The following MAML3 variants were observed in gnomAD, a reference collection of about 807,000 sequenced individuals.
The protein encoded by MAML3 is mastermind-like protein 3.
MAML3 carries 27 observed loss-of-function variants against 101.9 expected under a neutral mutation model. The observed-to-expected ratio is 0.27, with a 90% CI of 0.20 to 0.37. The LOEUF is 0.37. Among genes scored for constraint, MAML3 ranks in the 10% least tolerant of loss-of-function variants. The probability of loss-of-function intolerance (pLI) is 1.00; values close to 1 mark genes in which losing one functional copy is unlikely to be tolerated. For synonymous variants in MAML3, 501 were observed against 555.9 expected, an observed-to-expected ratio of 0.90 and a Z score of 1.39; for missense variants, 1,316 against 1,444.9, an observed-to-expected ratio of 0.91 and a Z score of 1.45.
chr4:140,022,935 G>C (rs970082744), intron 1 of MAML3, among the ~76,000 whole-genome samples: 1 of 152,136 alleles, frequency 6.6e-6, no homozygotes, highest in Non-Finnish European at 1.5e-5. Flanking sequence ...TCAAGTAAGG[G>C]ACAGCACAGA....
chr4:139,720,764 G>C (rs1728202839), intron 4 of MAML3, among the ~76,000 whole-genome samples: 1 of 152,174 alleles, frequency 6.6e-6, no homozygotes, highest in African/African-American at 2.4e-5. Context: ...TATTTTCTTT[G>C]GAGGTGAGAG....
At position 140,121,306 on chromosome 4, in the gene MAML3, T is replaced by G. The variant is rs556309126; in HGVS notation, c.468+31554A>C. ...TTAAAATGTTAAATACTCCTTATTT[T>G]CCAATAAATAATGCACTCTTGGAAG... On this transcript the variant is annotated intron_variant, in intron 1 of 4. Transcript: ENST00000509479. Among the ~76,000 whole-genome samples the G allele has an allele frequency of 2.6e-5, 4 of 152,344 alleles. No individual in the cohort carries two copies. In the East Asian group the frequency reaches 7.7e-4, roughly 29 times the overall value.
chr4:139,953,639 C>T (rs1002751227), intron 1 of MAML3, among the ~76,000 whole-genome samples: 4 of 152,182 alleles, frequency 2.6e-5, no homozygotes, highest in African/African-American at 9.7e-5. Context: ...AAACAAAACA[C>T]AAGTTCTAAA....
chr4:139,810,249 G>A (rs969733207), intron 2 of MAML3, among the ~76,000 whole-genome samples: 3 of 144,118 alleles, frequency 2.1e-5, no homozygotes, highest in Non-Finnish European at 4.5e-5. Context: ...CTGGAGTGCA[G>A]TGGCCCCATC....
intron 2 of MAML3, among the ~76,000 whole-genome samples, chr4:139,874,171 G>A (rs1732065587): frequency 6.6e-6 from 1 of 152,176 alleles, no homozygotes; most frequent in East Asian, 1.9e-4. Context: ...CAGAAACAAT[G>A]AGGGTACTGT....
chr4:139,740,988 G>A (rs1211610066), intron 2 of MAML3, among the ~76,000 whole-genome samples: 2 of 152,166 alleles, frequency 1.3e-5, no homozygotes, highest in Admixed American at 6.5e-5. Context: ...CTGCTCTGCC[G>A]GTTTCCCGAC....
At chr4:139,902,253 GCACACACACGCA>G (rs1281192296) in intron 1 of MAML3, among the ~76,000 whole-genome samples, 9 of 52,282 alleles carry the variant, frequency 1.7e-4, no homozygotes, top group Admixed American at 2.7e-4. Flanking sequence ...GCACGCACAC[GCACACACACGCA>G]CACACACACG....
At chr4:140,008,630 T>C (rs998263237) in intron 1 of MAML3, among the ~76,000 whole-genome samples, 1 of 152,232 alleles carries the variant, frequency 6.6e-6, no homozygotes, top group African/African-American at 2.4e-5. Flanking sequence ...TGCCTTTATA[T>C]TGATTTTCAG....
At chr4:140,029,611 G>C (rs1219650464) in intron 1 of MAML3, among the ~76,000 whole-genome samples, 1 of 152,002 alleles carries the variant, frequency 6.6e-6, no homozygotes, top group Non-Finnish European at 1.5e-5. Context: ...GAAAAAGAGG[G>C]CTTATTACTA....
rs373722148 is a variant in MAML3, at chr4:139,903,253, A to T, written c.469-12286T>A. Among the ~76,000 whole-genome samples, 40 of 152,264 alleles carry T rather than the reference A, an allele frequency of 2.6e-4. 1 individual carries two copies. The East Asian group carries it at 6.6e-3, about 25-fold the overall frequency. ...GCCTCTCAAAGTGCTGAGATTAGAG[A>T]TTTAAACCACTGTGTCCAGCTTCAG... is the stretch of plus-strand genomic sequence containing the variant. On this transcript the variant is annotated intron_variant, in intron 1 of 4. Coordinates refer to ENST00000509479, the MANE Select transcript of MAML3 (RefSeq NM_018717.5).
At chr4:139,888,046 G>A (rs1295484101) in intron 2 of MAML3, among the ~76,000 whole-genome samples, 1 of 152,174 alleles carries the variant, frequency 6.6e-6, no homozygotes, top group Non-Finnish European at 1.5e-5. Context: ...CGGCTGGCAT[G>A]TGCAGACAAG....
At chr4:139,761,650 G>A (rs1031331865) in intron 2 of MAML3, among the ~76,000 whole-genome samples, 2 of 152,216 alleles carry the variant, frequency 1.3e-5, no homozygotes, top group Admixed American at 6.5e-5. Flanking sequence ...CTACTTGACA[G>A]GGGCTAAAAA....
chr4:139,912,702 G>T (rs555965607), intron 1 of MAML3, among the ~76,000 whole-genome samples: 1 of 152,372 alleles, frequency 6.6e-6, no homozygotes, highest in Admixed American at 6.5e-5. Context: ...TTTGACGGCG[G>T]AGGCAGAGAC....
intron 2 of MAML3, among the ~76,000 whole-genome samples, chr4:139,824,384 G>A (rs905623321): frequency 1.2e-4 from 19 of 152,196 alleles, no homozygotes; most frequent in Non-Finnish European, 2.1e-4. Flanking sequence ...TCAAACCCAA[G>A]CTGGGCATCT....
chr4:140,012,887 A>G (rs1726585961), intron 1 of MAML3, among the ~76,000 whole-genome samples: 1 of 152,216 alleles, frequency 6.6e-6, no homozygotes, highest in South Asian at 2.1e-4. Context: ...CTCCTTACTC[A>G]TTGGTAAAAT....
intron 2 of MAML3, among the ~76,000 whole-genome samples, chr4:139,844,441 C>T (rs999578680): frequency 3.3e-5 from 5 of 152,170 alleles, no homozygotes; most frequent in African/African-American, 1.2e-4. Context: ...TTTCTTGGCA[C>T]AGAGATGATG....
intron 1 of MAML3, among the ~76,000 whole-genome samples, chr4:140,128,759 G>A (rs1002767530): frequency 1.3e-5 from 2 of 152,198 alleles, no homozygotes; most frequent in Non-Finnish European, 2.9e-5. Flanking sequence ...ACCATCGCTA[G>A]TGGGCCACAT....
At chr4:140,035,512 A>T (rs1726970898) in intron 1 of MAML3, among the ~76,000 whole-genome samples, 1 of 152,206 alleles carries the variant, frequency 6.6e-6, no homozygotes, top group Non-Finnish European at 1.5e-5. Flanking sequence ...TAAAATGCTA[A>T]CATTGCTGGG....
rs373611437 is a variant in MAML3 at position 140,106,619 on chromosome 4, T to C, written c.468+46241A>G. 2.0e-5 allele frequency among the ~76,000 whole-genome samples: 3 copies of C among 152,240 alleles called. No individual in the cohort carries two copies. In the East Asian group the frequency reaches 5.8e-4, roughly 29 times the overall value. ...GATTTAAAATTGTATAGGAATTCATTGCAGCATGGAGACTGCTACACACCA... is the reference window on the plus strand; with the variant it reads ...GATTTAAAATTGTATAGGAATTCATCGCAGCATGGAGACTGCTACACACCA... On this transcript the variant is annotated intron_variant, in intron 1 of 4. Coordinates refer to ENST00000509479, the MANE Select transcript of MAML3 (RefSeq NM_018717.5).
Sources: allele counts gnomAD v4.1 joint callset (sites outside exome capture counted in the v4.1 genomes callset), GRCh38; gene constraint gnomAD v4.1.1; transcripts MANE v1.5; gene names NCBI Gene and HGNC (gene_info 2026-07-23, HGNC 2026-07-21).